MAN1A1: variants seen among roughly 807,000 people sequenced by gnomAD.
MAN1A1 encodes mannosyl-oligosaccharide 1,2-alpha-mannosidase IA.
In MAN1A1, 29 loss-of-function variants were observed where a neutral mutation model predicts 70.8. The ratio of observed to expected loss-of-function variants is 0.41; its 90% CI spans 0.31 to 0.56. The LOEUF (loss-of-function observed/expected upper bound fraction) is 0.56. Among genes scored for constraint, MAN1A1 ranks in the 20% least tolerant of loss-of-function variants. The pLI is 0.29. For synonymous variants in MAN1A1, 349 were observed against 330.1 expected (o/e 1.06, Z -0.62); for missense variants, 747 against 841.3 (o/e 0.89, Z 1.39).
intron 12 of MAN1A1, 49 bp from the exon 13 acceptor site, chr6:119,179,994 G>A (rs1773107237): frequency 6.3e-7 from 1 of 1,593,702 alleles, no homozygotes; most frequent in Admixed American, 1.7e-5. Flanking sequence ...TAGGCAGGCA[G>A]TGAAACCACA....
At chr6:119,270,177 A>G (rs1775879153) in intron 5 of MAN1A1, among the ~76,000 whole-genome samples, 1 of 152,182 alleles carries the variant, frequency 6.6e-6, no homozygotes, top group South Asian at 2.1e-4. Flanking sequence ...CTCTTCTCCA[A>G]GAAGCCCTGG....
intron 2 of MAN1A1, among the ~76,000 whole-genome samples, chr6:119,317,542 C>A (rs901952020): frequency 4.6e-5 from 7 of 152,108 alleles, no homozygotes; most frequent in Admixed American, 4.6e-4. Flanking sequence ...CCTCCATGCC[C>A]TTTTATTGCT....
intron 5 of MAN1A1, among the ~76,000 whole-genome samples, chr6:119,249,250 G>A (rs1453463515): frequency 6.6e-6 from 1 of 152,194 alleles, no homozygotes; most frequent in Non-Finnish European, 1.5e-5. Flanking sequence ...AATGAGGTCA[G>A]GCATCCACAG....
At chr6:119,296,871 C>T (rs1384422917) in intron 4 of MAN1A1, among the ~76,000 whole-genome samples, 1 of 152,170 alleles carries the variant, frequency 6.6e-6, no homozygotes, top group Non-Finnish European at 1.5e-5. Context: ...CTATCCTTTG[C>T]CATTCTCAAG....
chr6:119,210,700 T>C (rs1774025240), intron 6 of MAN1A1, among the ~76,000 whole-genome samples: 1 of 152,072 alleles, frequency 6.6e-6, no homozygotes, highest in South Asian at 2.1e-4. Flanking sequence ...GTCATGTTTA[T>C]GAATCATTTC....
intron 6 of MAN1A1, among the ~76,000 whole-genome samples, chr6:119,227,100 T>C (rs531018396): frequency 1.9e-4 from 29 of 152,256 alleles, no homozygotes; most frequent in Admixed American, 1.4e-3. Flanking sequence ...ATATAAAGGA[T>C]TGAACTAGTA....
Position 119,201,330 on chromosome 6 carries a change from T to G in MAN1A1, c.1134A>C (p.Thr378=). The G allele has an allele frequency of 6.2e-7, 1 of 1,610,562 alleles. No homozygotes were observed. The highest frequency in any genetic ancestry group is 2.2e-5 in the East Asian group (1 of 44,832). The change falls in exon 8 of 13, where the codon ACA becomes ACC. Residue 378 remains threonine, a synonymous_variant. Coordinates refer to ENST00000368468, the MANE Select transcript of MAN1A1 (RefSeq NM_005907.4). The stretch of plus-strand genomic sequence containing the variant: ...GTGGTTTTTCCAGTTTGTTCAGTAC[T>G]GTTCGAATATTCATTACCTATAATA... ...IFAEKVMNIR[T]VLNKLEKPQG...
chr6:119,207,489 T>C (rs374006292), intron 6 of MAN1A1, among the ~76,000 whole-genome samples: 20 of 152,272 alleles, frequency 1.3e-4, no homozygotes, highest in South Asian at 6.2e-4. Context: ...GGCACAACTA[T>C]AGACATTAGA....
chr6:119,261,717 T>C (rs973501465), intron 5 of MAN1A1, among the ~76,000 whole-genome samples: 1 of 152,160 alleles, frequency 6.6e-6, no homozygotes, highest in Non-Finnish European at 1.5e-5. Context: ...TTCATGGAAG[T>C]GTTTTTGAAG....
intron 5 of MAN1A1, among the ~76,000 whole-genome samples, chr6:119,265,392 C>A (rs1357062475): frequency 6.6e-6 from 1 of 152,070 alleles, no homozygotes; most frequent in Non-Finnish European, 1.5e-5. Context: ...AGCCACTGAG[C>A]CTGGCCTCAT....
intron 11 of MAN1A1, among the ~76,000 whole-genome samples, chr6:119,182,835 CCT>C (rs1773187039): frequency 1.3e-5 from 2 of 152,134 alleles, no homozygotes; most frequent in African/African-American, 4.8e-5. Flanking sequence ...TCAGTTTTCC[CCT>C]GTGGATCATA....
At chr6:119,310,989 G>C (rs1772685710) in intron 2 of MAN1A1, among the ~76,000 whole-genome samples, 1 of 152,140 alleles carries the variant, frequency 6.6e-6, no homozygotes. Flanking sequence ...GCGGGTCACG[G>C]GCGAACGCAT....
chr6:119,180,590 G>A (rs1315245714), intron 11 of MAN1A1, among the ~76,000 whole-genome samples, 163 bp from the exon 12 acceptor site: 1 of 151,720 alleles, frequency 6.6e-6, no homozygotes, highest in African/African-American at 2.4e-5. Context: ...ATGGGTCACT[G>A]CAGCTTCTAC....
At chr6:119,268,784 A>G (rs1775830321) in intron 5 of MAN1A1, among the ~76,000 whole-genome samples, 1 of 152,068 alleles carries the variant, frequency 6.6e-6, no homozygotes, top group Non-Finnish European at 1.5e-5. Context: ...ATGGGGTTTC[A>G]TAATGTTGCC....
chr6:119,233,051 C>T (rs9320683), intron 6 of MAN1A1, among the ~76,000 whole-genome samples: 128,826 of 152,126 alleles, frequency 0.85, 54,905 homozygotes, highest in Non-Finnish European at 0.9. Context: ...TTCTTGCTCA[C>T]TAGACTCAGA....
At chr6:119,269,383 C>T (rs1015448039) in intron 5 of MAN1A1, 3 of 207,596 alleles carry the variant, frequency 1.4e-5, no homozygotes, top group African/African-American at 7.1e-5. Context: ...GAAGCATCAT[C>T]CACTTTTTCT....
chr6:119,324,430 A>T (rs1293745789), intron 2 of MAN1A1, among the ~76,000 whole-genome samples: 1 of 152,140 alleles, frequency 6.6e-6, no homozygotes, highest in Admixed American at 6.5e-5. Flanking sequence ...ATCGAAAGTT[A>T]TACGCAGGTT....
intron 2 of MAN1A1, among the ~76,000 whole-genome samples, chr6:119,336,046 G>A (rs1039222458): frequency 6.6e-6 from 1 of 152,082 alleles, no homozygotes; most frequent in Non-Finnish European, 1.5e-5. Flanking sequence ...TACTGAATCA[G>A]AAACTCCAGG....
At chr6:119,182,227 T>C (rs1773170864) in intron 11 of MAN1A1, among the ~76,000 whole-genome samples, 2 of 152,218 alleles carry the variant, frequency 1.3e-5, no homozygotes, top group Non-Finnish European at 2.9e-5. Context: ...CAGGTTGTTT[T>C]TCTGCTACTG....
Sources: gnomAD v4.1 joint callset for allele counts (sites outside exome capture counted in the v4.1 genomes callset) on GRCh38, gnomAD v4.1.1 for gene constraint, MANE v1.5 for transcripts, NCBI Gene and HGNC (gene_info 2026-07-23, HGNC 2026-07-21) for gene names.